Variants in CLVS1 observed in about 807,000 individuals in gnomAD.
The protein encoded by CLVS1 is clavesin-1.
A neutral mutation model predicts 33.1 loss-of-function variants in CLVS1; 10 were observed. The observed-to-expected ratio is 0.30, with a 90% CI of 0.19 to 0.51. CLVS1 has a LOEUF of 0.51. CLVS1 is among the 20% of genes least tolerant of loss of function. The pLI is 0.97. For missense variants in CLVS1, 343 were observed against 433.4 expected (o/e 0.79, Z 1.85); for synonymous variants, 163 against 166.1 (o/e 0.98, Z 0.14).
the CLVS1 span, among the ~76,000 whole-genome samples, chr8:60,972,810 A>C: frequency 6.6e-6 from 1 of 152,236 alleles, no homozygotes; most frequent in African/African-American, 2.4e-5. Context: ...TCTAGCCTCC[A>C]AAAATTCAGG....
At chr8:61,164,522 A>AT (rs1213659684) in intron 2 of CLVS1, among the ~76,000 whole-genome samples, 1 of 152,058 alleles carries the variant, frequency 6.6e-6, no homozygotes, top group Non-Finnish European at 1.5e-5. Flanking sequence ...CCGCCCCCAC[A>AT]TATCCCCATG....
chr8:61,397,343 A>G (rs1359707269), intron 3 of CLVS1, among the ~76,000 whole-genome samples: 1 of 152,114 alleles, frequency 6.6e-6, no homozygotes, highest in East Asian at 1.9e-4. Context: ...CCATTTTAAT[A>G]TCTTTTTTGG....
At chr8:61,394,866 T>C (rs1459067815) in intron 3 of CLVS1, among the ~76,000 whole-genome samples, 5 of 152,244 alleles carry the variant, frequency 3.3e-5, no homozygotes, top group Non-Finnish European at 5.9e-5. Context: ...ATTTTGATAA[T>C]AGACATTCTA....
chr8:61,494,257 G>A (rs1586057823), intron 5 of CLVS1, among the ~76,000 whole-genome samples: 1 of 152,056 alleles, frequency 6.6e-6, no homozygotes, highest in South Asian at 2.1e-4. Flanking sequence ...GAAGAAAGGG[G>A]AAAGAGAGAA....
intron 2 of CLVS1, among the ~76,000 whole-genome samples, chr8:61,230,883 AC>A (rs1808416890): frequency 6.6e-6 from 1 of 151,982 alleles, no homozygotes; most frequent in Admixed American, 6.6e-5. Flanking sequence ...CATAAATGTC[AC>A]CTTTTTGATG....
At chr8:61,363,852 C>T (rs1433476299) in intron 2 of CLVS1, among the ~76,000 whole-genome samples, 1 of 152,094 alleles carries the variant, frequency 6.6e-6, no homozygotes, top group Non-Finnish European at 1.5e-5. Flanking sequence ...GAGGGTGAGG[C>T]CACTCTTTAG....
chr8:61,377,061 A>C (rs955626041), intron 3 of CLVS1: 9 of 299,424 alleles, frequency 3.0e-5, no homozygotes, highest in Admixed American at 9.4e-5. Context: ...TCCATCAGAG[A>C]GTTCACAAAA....
chr8:61,403,930 A>G (rs893825530), intron 3 of CLVS1, among the ~76,000 whole-genome samples: 2 of 151,948 alleles, frequency 1.3e-5, no homozygotes, highest in African/African-American at 4.9e-5. Context: ...GCTTCAGGAA[A>G]TGAAGTGGGC....
At chr8:61,389,185 A>G (rs544275525) in intron 3 of CLVS1, among the ~76,000 whole-genome samples, 1 of 152,352 alleles carries the variant, frequency 6.6e-6, no homozygotes, top group African/African-American at 2.4e-5. Flanking sequence ...ACCACATACT[A>G]GAAGTCTCAA....
chr8:61,097,611 T>A (rs1315598933), intron 1 of CLVS1, among the ~76,000 whole-genome samples: 1 of 152,210 alleles, frequency 6.6e-6, no homozygotes, highest in African/African-American at 2.4e-5. Flanking sequence ...TGAAGGAGGC[T>A]GTGTCTGGCT....
intron 5 of CLVS1, among the ~76,000 whole-genome samples, chr8:61,497,985 G>T (rs1804326992): frequency 6.6e-6 from 1 of 152,114 alleles, no homozygotes. Context: ...GGTGGGTTTT[G>T]TCTGGCTTTT....
At chr8:61,277,514 G>C (rs914861974) in intron 2 of CLVS1, among the ~76,000 whole-genome samples, 4 of 152,184 alleles carry the variant, frequency 2.6e-5, no homozygotes, top group African/African-American at 9.7e-5. Context: ...GTCTATGGGT[G>C]AGTATAGGGG....
chr8:61,307,156 T>C lies in CLVS1; in HGVS notation c.455+6874T>C, dbSNP rs186743812. 2.3e-3 allele frequency among the ~76,000 whole-genome samples: 351 copies of C among 152,278 alleles called. 3 individuals are homozygous for C. The highest frequency in any genetic ancestry group is 8.1e-3 in the African/African-American group (335 of 41,566). ...CAGCTATGGTCCCCAAGAACCTTGA[T>C]GGGGAAAAAACAGTGGAAATGCATT... On this transcript the variant is annotated intron_variant, in intron 2 of 5. Transcript: ENST00000325897.
At chr8:61,402,128 G>A (rs1814793331) in intron 3 of CLVS1, among the ~76,000 whole-genome samples, 1 of 152,010 alleles carries the variant, frequency 6.6e-6, no homozygotes, top group Non-Finnish European at 1.5e-5. Flanking sequence ...TTTTAATTAA[G>A]CATACATAAA....
chr8:61,226,411 T>G (rs1001794822), intron 2 of CLVS1, among the ~76,000 whole-genome samples: 1 of 152,254 alleles, frequency 6.6e-6, no homozygotes, highest in African/African-American at 2.4e-5. Flanking sequence ...AAGACACTAA[T>G]GAAATTTTTT....
chr8:61,217,285 A>G (rs535829841), intron 2 of CLVS1, among the ~76,000 whole-genome samples: 15 of 152,334 alleles, frequency 9.8e-5, no homozygotes, highest in African/African-American at 3.6e-4. Flanking sequence ...AACCACAAGA[A>G]GAGAATGGGA....
At chr8:61,337,725 A>G (rs191352188) in intron 2 of CLVS1, among the ~76,000 whole-genome samples, 1 of 152,324 alleles carries the variant, frequency 6.6e-6, no homozygotes, top group East Asian at 1.9e-4. Flanking sequence ...CAAAAGGAGG[A>G]AACTGAACAC....
Position 61,260,869 on chromosome 8 carries a change from G to A in CLVS1, c.-151-38808G>A, listed in dbSNP as rs1410750547. Among the ~76,000 whole-genome samples, 4 of 152,178 alleles carry A rather than the reference G, an allele frequency of 2.6e-5. No homozygotes were observed. In the South Asian group the frequency reaches 6.2e-4, roughly 24 times the overall value. On this transcript the variant is annotated intron_variant, in intron 2 of 2. Transcript: ENST00000522621. ...TAACCATGCTGAGGAAGTTGTAATG[G>A]TGTTCAGAATGCAGACACAGAAACA... is the stretch of plus-strand genomic sequence containing the variant.
chr8:61,402,206 A>C (rs998709316), intron 3 of CLVS1, among the ~76,000 whole-genome samples: 17 of 152,180 alleles, frequency 1.1e-4, no homozygotes, highest in African/African-American at 4.1e-4. Flanking sequence ...CCTAAGGGCA[A>C]ATGGAGTTGT....
Sources: allele counts gnomAD v4.1 joint callset (sites outside exome capture counted in the v4.1 genomes callset), GRCh38; gene constraint gnomAD v4.1.1; transcripts MANE v1.5; gene names NCBI Gene and HGNC (gene_info 2026-07-23, HGNC 2026-07-21).